AGXT2: variants seen among roughly 807,000 people sequenced by gnomAD.
AGXT2 encodes the protein alanine--glyoxylate aminotransferase 2, mitochondrial.
In AGXT2, 61 loss-of-function variants were observed where a neutral mutation model predicts 62.5. The observed-to-expected ratio is 0.98, with a 90% CI of 0.79 to 1.21. AGXT2 has a LOEUF of 1.21. AGXT2 is among the 50% of genes most tolerant of loss of function. AGXT2 has a pLI of 0.00. For missense variants in AGXT2, 666 were observed against 641.5 expected (o/e 1.04, Z -0.41); for synonymous variants, 243 against 218.7 (o/e 1.11, Z -0.98).
At chr5:35,030,360 T>G (rs1044398284) in intron 7 of AGXT2, among the ~76,000 whole-genome samples, 1 of 151,992 alleles carries the variant, frequency 6.6e-6, no homozygotes, top group South Asian at 2.1e-4. Context: ...ATACAAAAAT[T>G]AGCTGGGCGT....
At chr5:35,028,614 AG>A (rs879265605) in intron 7 of AGXT2, among the ~76,000 whole-genome samples, 6,066 of 44,320 alleles carry the variant, frequency 0.14, 1,383 homozygotes, top group Non-Finnish European at 0.18. Flanking sequence ...AGAGAGAGAG[AG>A]AGAGAAATTC....
intron 9 of AGXT2, among the ~76,000 whole-genome samples, chr5:35,014,809 T>C (rs149698317): frequency 9.5e-4 from 145 of 152,174 alleles, no homozygotes; most frequent in African/African-American, 3.4e-3. Context: ...GATAGAAAAG[T>C]AGAGAAGCTG....
At chr5:35,032,035 C>T (rs370048519) in intron 7 of AGXT2, among the ~76,000 whole-genome samples, 7 of 151,316 alleles carry the variant, frequency 4.6e-5, no homozygotes, top group African/African-American at 1.7e-4. Context: ...TCACTGCAAC[C>T]TCTGCCTCCC....
chr5:35,003,756 C>G lies in AGXT2; in HGVS notation c.1437+7G>C. On this transcript the variant is annotated splice_region_variant and intron_variant, in intron 13 of 13. Coordinates refer to ENST00000231420, the MANE Select transcript of AGXT2 (RefSeq NM_031900.4). ...GAGCGATAGGTAAAAACCAGTCTTT[C>G]TCTTACCTGAGAAAAAATGCTGCCT... 6.2e-7 allele frequency: 1 copy of G among 1,612,810 alleles called. No homozygotes were observed. Among genetic ancestry groups the G allele is most frequent in the Non-Finnish European group, 8.5e-7 (1 of 1,178,836 alleles).
Position 35,017,923 on chromosome 5 carries a change from A to G in AGXT2, c.964-3804T>C, listed in dbSNP as rs1766911270. Among the ~76,000 whole-genome samples, 3 of 152,358 alleles carry G rather than the reference A, an allele frequency of 2.0e-5. No homozygotes were observed. The South Asian group carries it at 6.2e-4, about 32-fold the overall frequency. On this transcript the variant is annotated intron_variant, in intron 9 of 13. Coordinates refer to ENST00000231420, the MANE Select transcript of AGXT2 (RefSeq NM_031900.4). ...ACCAAGGCTCGAGAACTACGTGAAG[A>G]ATGCAGAAGCCTCCGGAGCTGATGA...
chr5:35,031,938 T>C (rs866466408), intron 7 of AGXT2, among the ~76,000 whole-genome samples: 4 of 126,826 alleles, frequency 3.2e-5, no homozygotes, highest in South Asian at 2.7e-4. Context: ...AGAGATGGGA[T>C]CTTGCTTTTT....
In AGXT2 at chr5:35,017,905, C is replaced by T. The variant is rs1192904509; in HGVS notation, c.964-3786G>A. Among the ~76,000 whole-genome samples, 5 of 152,078 alleles carry T rather than the reference C, an allele frequency of 3.3e-5. No individual in the cohort carries two copies. The East Asian group carries it at 9.6e-4, about 29-fold the overall frequency. ...GAGCTGATGGAGCTGAAAACCAAGG[C>T]TCGAGAACTACGTGAAGAATGCAGA... On this transcript the variant is annotated intron_variant, in intron 9 of 13. Transcript: ENST00000231420.
intron 3 of AGXT2, 104 bp downstream of exon 3, chr5:35,039,220 A>G (rs1694647306): frequency 7.4e-7 from 1 of 1,345,046 alleles, no homozygotes; most frequent in Non-Finnish European, 1.1e-6. Flanking sequence ...TGTCATAGAT[A>G]TTTTTAAACC....
chr5:35,006,434 C>T (rs192578984), intron 12 of AGXT2, among the ~76,000 whole-genome samples: 1 of 152,290 alleles, frequency 6.6e-6, no homozygotes, highest in African/African-American at 2.4e-5. Flanking sequence ...GTGAGGGGCT[C>T]AGGAACCTTA....
In AGXT2 at chr5:35,039,323, C is replaced by T. The variant is rs540382934; in HGVS notation, c.362+1G>A. 168 of 1,613,690 alleles carry T rather than the reference C, an allele frequency of 1.0e-4. No individual in the cohort carries two copies. The highest frequency in any genetic ancestry group is 9.6e-4 in the South Asian group (87 of 91,068). On this transcript the variant is annotated splice_donor_variant, in intron 3 of 13. Coordinates refer to ENST00000231420, the MANE Select transcript of AGXT2 (RefSeq NM_031900.4). LOFTEE classifies it high-confidence loss of function. ...AATCTCCAGATTTTAAGGATACTCACGGGTGGCAATGGCCAACACTGACAG... is the reference window on the plus strand; with the variant it reads ...AATCTCCAGATTTTAAGGATACTCATGGGTGGCAATGGCCAACACTGACAG...
chr5:35,033,600 C>A (rs895267288), intron 5 of AGXT2, 47 bp from the exon 6 acceptor site: 1 of 1,465,568 alleles, frequency 6.8e-7, no homozygotes, highest in South Asian at 1.1e-5. Context: ...TCCTGGTCCA[C>A]TGAGTAGGAC....
intron 1 of AGXT2, among the ~76,000 whole-genome samples, chr5:35,043,768 G>A (rs1344672307): frequency 4.6e-5 from 7 of 152,134 alleles, no homozygotes; most frequent in Non-Finnish European, 1.5e-5. Flanking sequence ...TCTGCTCATT[G>A]CAACCTCTAC....
intron 6 of AGXT2, 104 bp from the exon 7 acceptor site, chr5:35,032,929 T>TCCCTCATTCTTCCC: frequency 1.1e-6 from 1 of 893,402 alleles, no homozygotes; most frequent in South Asian, 1.4e-5. Context: ...TTAGTTTTCC[T>TCCCTCATTCTTCCC]CCCTCATTCT....
intron 12 of AGXT2, among the ~76,000 whole-genome samples, chr5:35,009,309 A>G (rs949198189): frequency 1.3e-5 from 2 of 151,978 alleles, no homozygotes; most frequent in Non-Finnish European, 2.9e-5. Context: ...ACAAAACTCA[A>G]TATAGGCCAG....
At chr5:35,004,507 T>C (rs1766349192) in intron 12 of AGXT2, among the ~76,000 whole-genome samples, 1 of 152,194 alleles carries the variant, frequency 6.6e-6, no homozygotes, top group Admixed American at 6.5e-5. Context: ...GGTCAGACAT[T>C]GGGCTGACTT....
chr5:35,038,597 G>C (rs183941667), intron 3 of AGXT2, among the ~76,000 whole-genome samples: 1 of 152,182 alleles, frequency 6.6e-6, no homozygotes, highest in African/African-American at 2.4e-5. Flanking sequence ...TGAGGGGGGG[G>C]ACTCTTTGCC....
chr5:35,015,092 C>T (rs149200793), intron 9 of AGXT2, among the ~76,000 whole-genome samples: 74 of 152,258 alleles, frequency 4.9e-4, no homozygotes, highest in Non-Finnish European at 8.1e-4. Context: ...TTTGTCTCAC[C>T]GACTTCTTCT....
intron 1 of AGXT2, among the ~76,000 whole-genome samples, chr5:35,041,579 C>T (rs1175159624): frequency 6.6e-6 from 1 of 152,082 alleles, no homozygotes; most frequent in Non-Finnish European, 1.5e-5. Flanking sequence ...GAAGAGTTGT[C>T]TAGAGACCTT....
rs1186108290 is a variant in AGXT2 at position 35,034,895 on chromosome 5, C to T, written c.581+327G>A. ...TAAGGTGGGGAACAGTCATTTACCA[C>T]TTGGTATATGGTGTGGTCCCCGCCA... On this transcript the variant is annotated intron_variant, in intron 5 of 13. Coordinates refer to ENST00000231420, the MANE Select transcript of AGXT2 (RefSeq NM_031900.4). Among the ~76,000 whole-genome samples, 2 of 152,078 alleles carry T rather than the reference C, an allele frequency of 1.3e-5. 1 individual carries two copies. The highest frequency in any genetic ancestry group is 2.9e-5 in the Non-Finnish European group (2 of 68,012).
Sources: allele counts gnomAD v4.1 joint callset (sites outside exome capture counted in the v4.1 genomes callset), GRCh38; gene constraint gnomAD v4.1.1; transcripts MANE v1.5; gene names NCBI Gene and HGNC (gene_info 2026-07-23, HGNC 2026-07-21).